HAPLN2: variants seen among roughly 807,000 people sequenced by gnomAD.
The protein encoded by HAPLN2 is hyaluronan and proteoglycan link protein 2, also known as brain link protein-1.
A neutral mutation model predicts 29.3 loss-of-function variants in HAPLN2; 27 were observed. That is an observed-to-expected ratio of 0.92 (90% confidence interval 0.68 to 1.27). HAPLN2 has a LOEUF of 1.27. Ranked by LOEUF, HAPLN2 falls within the 50% of genes most tolerant of loss-of-function variation. HAPLN2 has a pLI of 0.00. For synonymous variants in HAPLN2, 208 were observed against 211.7 expected, an observed-to-expected ratio of 0.98 and a Z score of 0.15; for missense variants, 454 against 484.3, an observed-to-expected ratio of 0.94 and a Z score of 0.59.
upstream of HAPLN2, among the ~76,000 whole-genome samples, chr1:156,618,711 G>A (rs577600698): frequency 1.7e-4 from 25 of 148,958 alleles, no homozygotes; most frequent in Non-Finnish European, 3.6e-4. Flanking sequence ...CCCGGGAGTC[G>A]GAGCTTGCAG....
intron 6 of HAPLN2, 124 bp downstream of exon 6, chr1:156,624,907 C>CGGGGGGG: frequency 8.7e-7 from 1 of 1,144,286 alleles, no homozygotes; most frequent in Non-Finnish European, 1.2e-6. Context: ...GCCCCCCCAT[C>CGGGGGGG]AGCCCGCCCG....
In HAPLN2 at chr1:156,624,741, C is replaced by G. The variant is rs772017839; in HGVS notation, c.697C>G (p.Arg233Gly). 7.7e-6 allele frequency: 12 copies of G among 1,553,774 alleles called. No individual in the cohort carries two copies. In the Middle Eastern group the frequency reaches 6.9e-4, roughly 89 times the overall value. ...CAGCTACGGACCCCGCGACCGGATGCGCGACCGCTACGACGCCTTCTGCTT... is the reference window on the plus strand; with the variant it reads ...CAGCTACGGACCCCGCGACCGGATGGGCGACCGCTACGACGCCTTCTGCTT... ...IRSYGPRDRM[R>G]DRYDAFCFTS... Residue 233 changes from arginine to glycine, a missense_variant, in exon 6 of 7, where the codon CGC becomes GGC. Transcript: ENST00000255039.
intron 2 of HAPLN2, 133 bp from the exon 3 acceptor site, chr1:156,623,334 C>G: frequency 1.5e-6 from 1 of 671,292 alleles, no homozygotes; most frequent in Non-Finnish European, 2.5e-6. Flanking sequence ...GTCACCAACC[C>G]CTTTTCTCTG....
In HAPLN2 at chr1:156,624,438, G is replaced by A; in HGVS notation, c.527G>A (p.Arg176His). 2 of 1,612,440 alleles carry A rather than the reference G, an allele frequency of 1.2e-6. No homozygotes were observed. The highest frequency in any genetic ancestry group is 1.7e-6 in the Non-Finnish European group (2 of 1,179,398). ...AKQACEEQDG[R>H]LATYSQLYQA... ...CAGGCGTGCGAGGAGCAGGACGGACGCCTGGCCACCTACTCCCAGCTCTAC... is the reference window on the plus strand; with the variant it reads ...CAGGCGTGCGAGGAGCAGGACGGACACCTGGCCACCTACTCCCAGCTCTAC... The change falls in exon 5 of 7, where the codon CGC (arginine) becomes CAC (histidine). Residue 176 changes from arginine to histidine, a missense_variant. By Grantham distance (29) the Arg-to-His change is conservative. Around this residue, in one of 3 missense-constraint regions of HAPLN2, gnomAD observed 15 missense variants for 38.3 expected, o/e 0.39. Coordinates refer to ENST00000255039, the MANE Select transcript of HAPLN2 (RefSeq NM_021817.3).
At chr1:156,604,902 T>C in the HAPLN2 span, among the ~76,000 whole-genome samples, 22 of 144,936 alleles carry the variant, frequency 1.5e-4, no homozygotes, top group African/African-American at 5.5e-4. Context: ...ACAATCTCTA[T>C]AAAAAATCCC....
In HAPLN2 at chr1:156,622,439, G is replaced by A. The variant is rs1467793973; in HGVS notation, c.-24-1028G>A. Among the ~76,000 whole-genome samples, 3 of 151,702 alleles carry A rather than the reference G, an allele frequency of 2.0e-5. No individual in the cohort carries two copies. The East Asian group carries it at 5.8e-4, about 29-fold the overall frequency. ...ACTGCACTCCAGTCTGGGCGAGAGA[G>A]TAAAACCCTGTCTCAAAAAAAAAAA... On this transcript the variant is annotated intron_variant, in intron 2 of 6. Coordinates refer to ENST00000255039, the MANE Select transcript of HAPLN2 (RefSeq NM_021817.3).
upstream of HAPLN2, among the ~76,000 whole-genome samples, chr1:156,618,587 GGTTAACAC>G (rs1678121530): frequency 6.6e-6 from 1 of 151,930 alleles, no homozygotes; most frequent in South Asian, 2.1e-4. Flanking sequence ...AGACCATCCT[GGTTAACAC>G]GGGGAAACCC....
At chr1:156,618,305 CAAAAAAAAAAA>C (rs57219264), upstream of HAPLN2, among the ~76,000 whole-genome samples, 42 of 103,214 alleles carry the variant, frequency 4.1e-4, no homozygotes, top group African/African-American at 1.6e-3. Flanking sequence ...GACTCTGTCT[CAAAAAAAAAAA>C]AAAAAAAAAG....
chr1:156,623,563 C>T lies in HAPLN2; in HGVS notation c.73C>T (p.Gln25Ter). 1.9e-6 allele frequency: 3 copies of T among 1,614,108 alleles called. No homozygotes were observed. The highest frequency in any genetic ancestry group is 1.1e-5 in the South Asian group (1 of 91,074). Residue 25 changes from glutamine to a stop codon, truncating the protein, a stop_gained, in exon 3 of 7, where the codon CAA becomes TAA. Transcript: ENST00000255039. LOFTEE classifies it high-confidence loss of function. ...LWAFTIFHKA[Q>*]GDPASHPGPH... ...GGCCTTCACCATCTTCCACAAAGCC[C>T]AAGGAGACCCAGGTAAGACCCCAGC...
chr1:156,610,827 AAG>A, the HAPLN2 span, among the ~76,000 whole-genome samples: 3 of 152,232 alleles, frequency 2.0e-5, no homozygotes, highest in Non-Finnish European at 2.9e-5. Context: ...GGTGAGAAGA[AAG>A]AAAGAAAAAA....
At chr1:156,607,354 C>G in the HAPLN2 span, among the ~76,000 whole-genome samples, 2 of 152,112 alleles carry the variant, frequency 1.3e-5, no homozygotes, top group Non-Finnish European at 2.9e-5. Context: ...GTGGCACGCA[C>G]CTGTAATCCC....
At position 156,624,160 on chromosome 1, in the gene HAPLN2, G is replaced by T; in HGVS notation, c.439G>T (p.Gly147Cys). 6.2e-7 allele frequency: 1 copy of T among 1,612,184 alleles called. No individual in the cohort carries two copies. The highest frequency in any genetic ancestry group is 8.5e-7 in the Non-Finnish European group (1 of 1,179,326). ...ESVALTLSLE[G>C]VVFPYQPSRG... ...CGTGGCGCTGACCTTGAGCTTGGAGGGTGAGGCCCTTCCGCTCCCGCCCCA... is the reference window on the plus strand; with the variant it reads ...CGTGGCGCTGACCTTGAGCTTGGAGTGTGAGGCCCTTCCGCTCCCGCCCCA... Residue 147 changes from glycine (G) to cysteine (C), a missense_variant and splice_region_variant, in exon 4 of 7, where the codon GGT becomes TGT. This residue lies in a region of HAPLN2 where 204 missense variants were observed against 209.2 expected (regional missense o/e 0.98). Transcript: ENST00000255039.
In HAPLN2 at chr1:156,624,036, G is replaced by A. The variant is rs988093782; in HGVS notation, c.315G>A (p.Arg105=). ...GPLGGRARMR[R]GHRLDASLVI... ...TGGGAGGGCGCGCCAGGATGCGGAG[G>A]GGGCATCGACTAGACGCCTCCCTGG... Residue 105 remains arginine, a synonymous_variant, in exon 4 of 7, where the codon AGG becomes AGA. Coordinates refer to ENST00000255039, the MANE Select transcript of HAPLN2 (RefSeq NM_021817.3). The A allele has an allele frequency of 1.2e-6, 2 of 1,612,740 alleles. No homozygotes were observed. The highest frequency in any genetic ancestry group is 1.3e-5 in the African/African-American group (1 of 74,924).
upstream of HAPLN2, among the ~76,000 whole-genome samples, chr1:156,618,274 C>G (rs1243809414): frequency 6.8e-6 from 1 of 146,990 alleles, no homozygotes; most frequent in African/African-American, 2.6e-5. Flanking sequence ...CCACTGCACT[C>G]CAGCCTGGGT....
intron 5 of HAPLN2, 24 bp downstream of exon 5, chr1:156,624,491 C>T: frequency 6.2e-7 from 1 of 1,609,948 alleles, no homozygotes; most frequent in Non-Finnish European, 8.5e-7. Flanking sequence ...CCCAGCACTT[C>T]CCAAGCCCCG....
At chr1:156,603,690 A>G in the HAPLN2 span, among the ~76,000 whole-genome samples, 3 of 152,262 alleles carry the variant, frequency 2.0e-5, no homozygotes, top group African/African-American at 7.2e-5. Context: ...CAAGATTCCT[A>G]GTCTGGCCTA....
At chr1:156,623,041 T>TAAAATAAAA (rs1463020915) in intron 2 of HAPLN2, among the ~76,000 whole-genome samples, 1 of 93,280 alleles carries the variant, frequency 1.1e-5, no homozygotes, top group South Asian at 4.7e-4. Flanking sequence ...CTCAAAAAAA[T>TAAAATAAAA]AAATAAATAA....
chr1:156,601,525 G>T, the HAPLN2 span: 72 of 1,483,036 alleles, frequency 4.9e-5, no homozygotes, highest in East Asian at 1.7e-3. Flanking sequence ...AGACGTCCGC[G>T]GGAACCAAAA....
the HAPLN2 span, chr1:156,601,569 C>T: frequency 9.4e-7 from 1 of 1,068,158 alleles, no homozygotes; most frequent in Non-Finnish European, 1.4e-6. Context: ...ATTGCGGAGC[C>T]CAATTTGCCG....
Sources: gnomAD v4.1 joint callset for allele counts (sites outside exome capture counted in the v4.1 genomes callset) on GRCh38, gnomAD v4.1.1 for gene constraint, gnomAD v4.1.1 regional missense constraint, MANE v1.5 for transcripts, NCBI Gene and HGNC (gene_info 2026-07-23, HGNC 2026-07-21) for gene names.